Variants in PRXL2C observed in about 807,000 individuals in gnomAD.
PRXL2C encodes the protein peroxiredoxin-like 2C.
PRXL2C carries 38 observed loss-of-function variants against 24.9 expected under a neutral mutation model. The observed-to-expected ratio is 1.53, with a 90% CI of 1.18 to 2.00. PRXL2C has a LOEUF of 2.00. Ranked by LOEUF, PRXL2C falls within the 30% of genes most tolerant of loss-of-function variation. The probability of loss-of-function intolerance (pLI) is 0.00; values close to 1 mark genes in which losing one functional copy is unlikely to be tolerated. For synonymous variants in PRXL2C, 98 were observed against 117.2 expected, an observed-to-expected ratio of 0.84 and a Z score of 1.06; for missense variants, 294 against 290.9, an observed-to-expected ratio of 1.01 and a Z score of -0.08.
chr9:96,651,699 G>A lies in PRXL2C; in HGVS notation c.275C>T (p.Thr92Ile). The A allele has an allele frequency of 6.2e-7, 1 of 1,610,008 alleles. No homozygotes were observed. The highest frequency in any genetic ancestry group is 2.2e-5 in the East Asian group (1 of 44,770). ...GGATGACTGTCCAATCACTATAAGG[G>A]TGACATTTGCTTCCTTAGGAGAAAA... Reference protein sequence around the residue: ...PRSFLQEANVTLIVIGQSSYH... With the variant: ...PRSFLQEANVILIVIGQSSYH... The change falls in exon 3 of 6, where the codon ACC becomes ATC. Residue 92 changes from threonine (T) to isoleucine (I), a missense_variant. Coordinates refer to ENST00000375234, the MANE Select transcript of PRXL2C (RefSeq NM_153698.2).
At chr9:96,647,564 TC>T (rs1185215250) in intron 4 of PRXL2C, among the ~76,000 whole-genome samples, 1 of 152,148 alleles carries the variant, frequency 6.6e-6, no homozygotes, top group African/African-American at 2.4e-5. Context: ...GCTCTGTTGC[TC>T]AGGCTGGAGT....
chr9:96,655,298 G>A lies in PRXL2C; in HGVS notation c.-17C>T, dbSNP rs958202119. The A allele has an allele frequency of 1.7e-5, 18 of 1,045,306 alleles. No individual in the cohort carries two copies. Among genetic ancestry groups the A allele is most frequent in the Non-Finnish European group, 1.8e-5 (16 of 870,106 alleles). The allele number at this position is 1,045,306 out of a possible 1,614,324, so 64.8% of individuals were successfully genotyped here. A position where few individuals can be genotyped will look rare whatever the true frequency, so the allele number is the denominator to read the frequency against. ...CGCGGCCATGACGCGGGGCGGCCGA[G>A]GGCCTGGGTCCGCTCTGTCAGCGCG... On this transcript the variant is annotated 5_prime_UTR_variant, in exon 1 of 6. Coordinates refer to ENST00000375234, the MANE Select transcript of PRXL2C (RefSeq NM_153698.2).
intron 2 of PRXL2C, 22 bp downstream of exon 2, chr9:96,654,683 C>A: frequency 6.4e-7 from 1 of 1,552,872 alleles, no homozygotes. Flanking sequence ...GGGCACTGGG[C>A]CGCCCACGCT....
At position 96,655,110 on chromosome 9, in the gene PRXL2C, C is replaced by G. The variant is rs1848336071; in HGVS notation, c.172G>C (p.Ala58Pro). Residue 58 changes from alanine (A) to proline (P), a missense_variant, in exon 1 of 6, where the codon GCC (alanine) becomes CCC (proline). Coordinates refer to ENST00000375234, the MANE Select transcript of PRXL2C (RefSeq NM_153698.2). ...PFGALFRERR[A>P]VVVFVRHFLC... is the part of the protein sequence containing the mutation. ...CTCACCCGCACGAACACCACCACGG[C>G]GCGGCGCTCCCGGAACAGCGCGCCG... 2 of 1,431,802 alleles carry G rather than the reference C, an allele frequency of 1.4e-6. No homozygotes were observed. The highest frequency in any genetic ancestry group is 2.8e-5 in the South Asian group (2 of 72,028). 88.7% of individuals were successfully genotyped at this position (1,431,802 alleles called of 1,614,324 possible). A position where few individuals can be genotyped will look rare whatever the true frequency, so the allele number is the denominator to read the frequency against.
At chr9:96,646,297 G>A (rs1242910953) in intron 4 of PRXL2C, among the ~76,000 whole-genome samples, 1 of 152,160 alleles carries the variant, frequency 6.6e-6, no homozygotes, top group Admixed American at 6.5e-5. Flanking sequence ...TGTCTCCCAA[G>A]GGAGAGAGGA....
In PRXL2C at chr9:96,651,681, T is replaced by C; in HGVS notation, c.293A>G (p.Gln98Arg). The C allele has an allele frequency of 1.9e-6, 3 of 1,610,980 alleles. No homozygotes were observed. The highest frequency in any genetic ancestry group is 2.5e-6 in the Non-Finnish European group (3 of 1,178,006). ...TACCTCAATATGATGGTAGGATGAC[T>C]GTCCAATCACTATAAGGGTGACATT... ...EANVTLIVIG[Q>R]SSYHHIEPFC... Residue 98 changes from glutamine (Q) to arginine (R), a missense_variant, in exon 3 of 6, where the codon CAG (glutamine) becomes CGG (arginine). Coordinates refer to ENST00000375234, the MANE Select transcript of PRXL2C (RefSeq NM_153698.2).
intron 5 of PRXL2C, among the ~76,000 whole-genome samples, chr9:96,643,787 C>A (rs1197160485): frequency 6.6e-6 from 1 of 152,070 alleles, no homozygotes; most frequent in Non-Finnish European, 1.5e-5. Context: ...CTACAATGTT[C>A]CAGCTGCAAA....
chr9:96,648,033 T>C lies in PRXL2C; in HGVS notation c.422-2009A>G, dbSNP rs899555388. ...GATTCTCCCACCTCAGCCTCCCGCA[T>C]AGCAGGGAGTACAGGCATGCACCAT... is the stretch of plus-strand genomic sequence containing the variant. On this transcript the variant is annotated intron_variant, in intron 4 of 5. Coordinates refer to ENST00000375234, the MANE Select transcript of PRXL2C (RefSeq NM_153698.2). Among the ~76,000 whole-genome samples the C allele has an allele frequency of 2.0e-5, 3 of 152,108 alleles. 1 individual carries two copies. The highest frequency in any genetic ancestry group is 1.3e-4 in the Admixed American group (2 of 15,246).
chr9:96,654,229 C>T (rs543853205), intron 2 of PRXL2C, among the ~76,000 whole-genome samples: 86 of 152,252 alleles, frequency 5.6e-4, no homozygotes, highest in Admixed American at 1.3e-3. Context: ...TGCTCAATGC[C>T]TTTCCTCAAA....
intron 5 of PRXL2C, among the ~76,000 whole-genome samples, chr9:96,645,221 T>TG: frequency 6.6e-6 from 1 of 151,672 alleles, no homozygotes; most frequent in Non-Finnish European, 1.5e-5. Context: ...ATTCTTTTCT[T>TG]GAAAAAAAAG....
Position 96,651,505 on chromosome 9 carries a change from G to C in PRXL2C, c.316-10C>G, listed in dbSNP as rs373841535. The C allele has an allele frequency of 1.9e-6, 3 of 1,602,860 alleles. No homozygotes were observed. In the African/African-American group the frequency reaches 4.0e-5, roughly 22 times the overall value. Reference sequence around the variant, plus strand: ...TCAGCTTGCAAAAAGGCTGAAAAGAGAGAATGGTTGGAATTTTTACAAGAA... The same window carrying C: ...TCAGCTTGCAAAAAGGCTGAAAAGACAGAATGGTTGGAATTTTTACAAGAA... On this transcript the variant is annotated splice_polypyrimidine_tract_variant and intron_variant, in intron 3 of 5. Coordinates refer to ENST00000375234, the MANE Select transcript of PRXL2C (RefSeq NM_153698.2).
intron 5 of PRXL2C, among the ~76,000 whole-genome samples, chr9:96,644,632 T>C (rs1206871586): frequency 6.6e-6 from 1 of 151,720 alleles, no homozygotes; most frequent in African/African-American, 2.4e-5. Flanking sequence ...ATTACAAGCA[T>C]GCACCACCAC....
At chr9:96,651,531 C>T (rs201018879) in intron 3 of PRXL2C, 36 bp from the exon 4 acceptor site, 90 of 1,579,742 alleles carry the variant, frequency 5.7e-5, no homozygotes, top group Non-Finnish European at 7.6e-5. Flanking sequence ...TTTACAAGAA[C>T]AAATGAGAGA....
intron 4 of PRXL2C, among the ~76,000 whole-genome samples, chr9:96,648,853 A>G (rs1209673630): frequency 6.6e-6 from 1 of 152,052 alleles, no homozygotes; most frequent in African/African-American, 2.4e-5. Context: ...GGCTCACCAC[A>G]ACCTCTGCCT....
chr9:96,644,881 CTTTTTTTTTT>C (rs530343244), intron 5 of PRXL2C, among the ~76,000 whole-genome samples: 43 of 36,680 alleles, frequency 1.2e-3, no homozygotes, highest in Admixed American at 3.0e-3. Flanking sequence ...TACATGGATT[CTTTTTTTTTT>C]TTTTTTTTTT....
chr9:96,654,883 G>A (rs955309078), intron 1 of PRXL2C, 110 bp from the exon 2 acceptor site: 1 of 1,251,266 alleles, frequency 8.0e-7, no homozygotes, highest in Non-Finnish European at 1.1e-6. Flanking sequence ...CGCCCGCGGG[G>A]CCGGGACCGG....
chr9:96,647,081 C>T (rs1368454292), intron 4 of PRXL2C, among the ~76,000 whole-genome samples: 2 of 152,152 alleles, frequency 1.3e-5, no homozygotes, highest in African/African-American at 2.4e-5. Flanking sequence ...TAAGCCACCG[C>T]AGCCGGTCCC....
At chr9:96,645,125 G>A (rs1848176976) in intron 5 of PRXL2C, among the ~76,000 whole-genome samples, 4 of 151,102 alleles carry the variant, frequency 2.6e-5, no homozygotes, top group Non-Finnish European at 5.9e-5. Flanking sequence ...TAGCCAGGAT[G>A]GTCTTGATCT....
intron 4 of PRXL2C, among the ~76,000 whole-genome samples, chr9:96,647,651 T>C (rs1848214076): frequency 6.6e-6 from 1 of 151,836 alleles, no homozygotes; most frequent in East Asian, 2.0e-4. Flanking sequence ...GCTTCCTAAG[T>C]AGCTGCGACC....
Sources: allele counts gnomAD v4.1 joint callset (sites outside exome capture counted in the v4.1 genomes callset), GRCh38; gene constraint gnomAD v4.1.1; transcripts MANE v1.5; gene names NCBI Gene and HGNC (gene_info 2026-07-23, HGNC 2026-07-21).